The following GAS7 variants were observed in gnomAD, a reference collection of about 807,000 sequenced individuals.
The protein encoded by GAS7 is growth arrest specific 7, also known as growth arrest-specific protein 7.
In GAS7, 28 loss-of-function variants were observed where a neutral mutation model predicts 71.1. That is an observed-to-expected ratio of 0.39 (90% confidence interval 0.29 to 0.54). GAS7 has a LOEUF of 0.54. Ranked by LOEUF, GAS7 falls within the 20% of genes least tolerant of loss-of-function variation. GAS7 has a pLI of 0.62. For missense variants in GAS7, 436 were observed against 627.8 expected (o/e 0.69, Z 3.27); for synonymous variants, 258 against 245.8 (o/e 1.05, Z -0.46).
chr17:10,180,717 G>T (rs2074408192), intron 1 of GAS7, among the ~76,000 whole-genome samples: 1 of 152,182 alleles, frequency 6.6e-6, no homozygotes, highest in South Asian at 2.1e-4. Context: ...CTATGCATGT[G>T]TAAGATGCCT....
chr17:10,036,367 T>G (rs116793596), intron 1 of GAS7: 50 of 1,281,462 alleles, frequency 3.9e-5, no homozygotes, highest in Non-Finnish European at 5.6e-5. Context: ...GGCACAGTCA[T>G]TTTAGAAACA....
chr17:10,177,781 T>A (rs9899278), intron 1 of GAS7, among the ~76,000 whole-genome samples: 4,734 of 152,284 alleles, frequency 0.031, 78 homozygotes, highest in African/African-American at 0.038. Flanking sequence ...GCTGAATATA[T>A]ATATAGTCTT....
intron 1 of GAS7, among the ~76,000 whole-genome samples, chr17:10,145,414 C>A (rs72809390): frequency 0.12 from 17,552 of 152,192 alleles, 1,090 homozygotes; most frequent in East Asian, 0.18. Context: ...GTGTAAGACC[C>A]GAAGAGCTCT....
At chr17:10,151,346 A>T (rs935215703) in intron 1 of GAS7, among the ~76,000 whole-genome samples, 23 of 151,142 alleles carry the variant, frequency 1.5e-4, no homozygotes, top group Non-Finnish European at 2.9e-5. Flanking sequence ...TTTTTTTTTT[A>T]AATACTTGTC....
intron 1 of GAS7, among the ~76,000 whole-genome samples, chr17:10,141,976 C>G (rs1004833667): frequency 1.8e-5 from 1 of 56,022 alleles, no homozygotes; most frequent in Non-Finnish European, 3.4e-5. Context: ...CGCCTGTAAT[C>G]CCAGCACTTT....
In GAS7 at chr17:10,100,799, A is replaced by G. The variant is rs571797648; in HGVS notation, c.184-80902T>C. Among the ~76,000 whole-genome samples the G allele has an allele frequency of 3.9e-5, 6 of 152,376 alleles. No individual in the cohort carries two copies. The South Asian group carries it at 1.2e-3, about 32-fold the overall frequency. On this transcript the variant is annotated intron_variant, in intron 1 of 13. Transcript: ENST00000432992. ...GAGTCAGAAAGATTCTAAAAACTTC[A>G]TAATTCCAAAGCGGGATAAAAAGGG...
At position 10,102,687 on chromosome 17, in the gene GAS7, A is replaced by G. The variant is rs186692734; in HGVS notation, c.184-82790T>C. On this transcript the variant is annotated intron_variant, in intron 1 of 13. Coordinates refer to ENST00000432992, the MANE Select transcript of GAS7 (RefSeq NM_201433.2). ...CAGAGGAGATTTTTTAAAGTAGGGT[A>G]CCCAGGACACACTCTATACCAATTA... Among the ~76,000 whole-genome samples, 3 of 151,928 alleles carry G rather than the reference A, an allele frequency of 2.0e-5. 1 individual carries two copies. Among genetic ancestry groups the G allele is most frequent in the Admixed American group, 2.0e-4 (3 of 15,256 alleles).
chr17:9,947,590 C>T lies in GAS7; in HGVS notation c.526-607G>A, dbSNP rs370682151. On this transcript the variant is annotated intron_variant, in intron 5 of 13. Coordinates refer to ENST00000432992, the MANE Select transcript of GAS7 (RefSeq NM_201433.2). ...AGAAACCCCGTCTCTACTAAAAATA[C>T]AAAATTAGCTGGGCGTAGTGGCGCA... Among the ~76,000 whole-genome samples the T allele has an allele frequency of 1.4e-4, 21 of 152,034 alleles. No homozygotes were observed. In the East Asian group the frequency reaches 2.1e-3, roughly 15 times the overall value.
At chr17:10,085,999 G>C (rs2073515279) in intron 1 of GAS7, among the ~76,000 whole-genome samples, 1 of 152,184 alleles carries the variant, frequency 6.6e-6, no homozygotes, top group Non-Finnish European at 1.5e-5. Context: ...ACTTCAATGA[G>C]GTGTCAGAGG....
At chr17:10,007,220 A>T (rs536375372) in intron 2 of GAS7, among the ~76,000 whole-genome samples, 30 of 152,240 alleles carry the variant, frequency 2.0e-4, no homozygotes, top group Non-Finnish European at 4.3e-4. Flanking sequence ...GGTCTGTGAT[A>T]GAATCTGCGT....
At chr17:10,168,138 G>A (rs1013057069) in intron 1 of GAS7, among the ~76,000 whole-genome samples, 13 of 152,108 alleles carry the variant, frequency 8.5e-5, no homozygotes, top group African/African-American at 3.1e-4. Flanking sequence ...GAAAAAATTA[G>A]AAGCACTTTA....
At chr17:10,118,490 C>T (rs2073879751) in intron 1 of GAS7, among the ~76,000 whole-genome samples, 2 of 152,108 alleles carry the variant, frequency 1.3e-5, no homozygotes, top group South Asian at 4.1e-4. Context: ...GCTGGTGGAT[C>T]CCTTGAGGTC....
Position 9,914,129 on chromosome 17 carries a change from G to C in GAS7, c.*3099C>G, listed in dbSNP as rs1236869845. The C allele has an allele frequency of 4.4e-6, 1 of 226,360 alleles. No individual in the cohort carries two copies. Among genetic ancestry groups the C allele is most frequent in the Non-Finnish European group, 8.8e-6 (1 of 113,820 alleles). 14.0% of individuals were successfully genotyped at this position (226,360 alleles called of 1,614,324 possible). On this transcript the variant is annotated 3_prime_UTR_variant, in exon 14 of 14. Transcript: ENST00000432992. ...AAACGGGCCCCTGTTCATACGGATA[G>C]GGGTTCTGGACTGTTGACTCTAGCC... is the stretch of plus-strand genomic sequence containing the variant.
intron 1 of GAS7, among the ~76,000 whole-genome samples, chr17:10,150,457 G>A (rs1597821507): frequency 6.7e-6 from 1 of 149,428 alleles, no homozygotes; most frequent in East Asian, 2.0e-4. Context: ...CACACAAAGT[G>A]TAAATGGATA....
chr17:9,995,368 AAAAG>A (rs1184085403), intron 2 of GAS7, among the ~76,000 whole-genome samples: 1 of 152,198 alleles, frequency 6.6e-6, no homozygotes, highest in African/African-American at 2.4e-5. Flanking sequence ...CATGTAGATA[AAAAG>A]AAAGATAAAG....
rs1400613099 is a variant in GAS7 at position 9,921,402 on chromosome 17, G to A, written c.1139-1697C>T. Among the ~76,000 whole-genome samples the A allele has an allele frequency of 3.9e-5, 6 of 151,972 alleles. No individual in the cohort carries two copies. The South Asian group carries it at 6.2e-4, about 16-fold the overall frequency. ...GAACTCCTGACCTTGTGATCCGCCCGCCTCAGCCTCCGAAATGCAAATGCA... is the reference window on the plus strand; with the variant it reads ...GAACTCCTGACCTTGTGATCCGCCCACCTCAGCCTCCGAAATGCAAATGCA... On this transcript the variant is annotated intron_variant, in intron 11 of 13. Coordinates refer to ENST00000432992, the MANE Select transcript of GAS7 (RefSeq NM_201433.2).
intron 3 of GAS7, among the ~76,000 whole-genome samples, chr17:9,975,746 T>A (rs1490089583): frequency 1.3e-5 from 2 of 152,190 alleles, no homozygotes. Flanking sequence ...TTATTTACAG[T>A]AGGCCTTTTA....
At chr17:10,085,273 C>G (rs1045258283) in intron 1 of GAS7, among the ~76,000 whole-genome samples, 3 of 152,182 alleles carry the variant, frequency 2.0e-5, no homozygotes, top group Non-Finnish European at 4.4e-5. Flanking sequence ...AAGCCCACAG[C>G]CCAGAGTTCT....
intron 1 of GAS7, among the ~76,000 whole-genome samples, chr17:10,152,635 C>T (rs970711870): frequency 1.3e-5 from 2 of 152,202 alleles, no homozygotes; most frequent in African/African-American, 4.8e-5. Context: ...CCATGTTAAA[C>T]ATGACGGTGG....
Sources: allele counts gnomAD v4.1 joint callset (sites outside exome capture counted in the v4.1 genomes callset), GRCh38; gene constraint gnomAD v4.1.1; transcripts MANE v1.5; gene names NCBI Gene and HGNC (gene_info 2026-07-23, HGNC 2026-07-21).